SLC39A11: variants seen among roughly 807,000 people sequenced by gnomAD.
SLC39A11 encodes zinc transporter ZIP11.
In SLC39A11, 33 loss-of-function variants were observed where a neutral mutation model predicts 36.1. The ratio of observed to expected loss-of-function variants is 0.91; its 90% CI spans 0.69 to 1.22. The LOEUF (loss-of-function observed/expected upper bound fraction) is 1.22, where lower values mean the gene tolerates loss of function less well. SLC39A11 is among the 50% of genes most tolerant of loss of function. The pLI is 0.00. For missense variants in SLC39A11, 432 were observed against 430.3 expected (o/e 1.00, Z -0.03); for synonymous variants, 166 against 170.3 (o/e 0.97, Z 0.20).
At chr17:73,051,878 T>C (rs574352139) in intron 3 of SLC39A11, among the ~76,000 whole-genome samples, 1 of 148,140 alleles carries the variant, frequency 6.8e-6, no homozygotes, top group Non-Finnish European at 1.5e-5. Context: ...AGCAAAAAGT[T>C]TGTTGGTGCC....
chr17:72,838,624 A>G (rs2078673802), intron 6 of SLC39A11, among the ~76,000 whole-genome samples: 1 of 152,178 alleles, frequency 6.6e-6, no homozygotes, highest in African/African-American at 2.4e-5. Flanking sequence ...CTCAGTGTGG[A>G]AGTGTAATTG....
intron 5 of SLC39A11, among the ~76,000 whole-genome samples, chr17:72,874,106 G>A (rs940863277): frequency 2.0e-5 from 3 of 152,092 alleles, no homozygotes; most frequent in Non-Finnish European, 2.9e-5. Context: ...TAATATCAGC[G>A]TGAGAACCGA....
intron 5 of SLC39A11, among the ~76,000 whole-genome samples, chr17:72,933,342 AGGTATAAATCTAACC>A (rs1567977298): frequency 6.6e-6 from 1 of 152,234 alleles, no homozygotes; most frequent in African/African-American, 2.4e-5. Context: ...AAACACTTAG[AGGTATAAATCTAACC>A]AACGGTAGAG....
At chr17:72,740,657 A>G (rs1354784036) in intron 6 of SLC39A11, among the ~76,000 whole-genome samples, 1 of 152,250 alleles carries the variant, frequency 6.6e-6, no homozygotes, top group African/African-American at 2.4e-5. Context: ...TGCACTAAAC[A>G]TGACGAAAAC....
intron 6 of SLC39A11, among the ~76,000 whole-genome samples, chr17:72,778,245 C>T (rs1368008874): frequency 6.6e-6 from 1 of 152,146 alleles, no homozygotes; most frequent in Non-Finnish European, 1.5e-5. Flanking sequence ...GTATTAGAAC[C>T]ATCATTTCAC....
intron 6 of SLC39A11, among the ~76,000 whole-genome samples, chr17:72,792,314 T>A (rs1462223801): frequency 1.3e-5 from 2 of 152,186 alleles, no homozygotes; most frequent in African/African-American, 4.8e-5. Flanking sequence ...AGGATGTGGC[T>A]GGCTTGTTTG....
chr17:72,780,640 C>T (rs2076284342), intron 6 of SLC39A11, among the ~76,000 whole-genome samples: 1 of 152,068 alleles, frequency 6.6e-6, no homozygotes, highest in East Asian at 1.9e-4. Flanking sequence ...TGCTCTTTCG[C>T]TTTGCTCTCC....
intron 4 of SLC39A11, among the ~76,000 whole-genome samples, chr17:73,013,177 C>T (rs549952952): frequency 3.3e-5 from 5 of 152,154 alleles, no homozygotes; most frequent in Non-Finnish European, 5.9e-5. Flanking sequence ...CTGCAATTTC[C>T]ACCTCCTGGG....
intron 5 of SLC39A11, among the ~76,000 whole-genome samples, chr17:72,930,515 A>G (rs1413722080): frequency 6.6e-6 from 1 of 152,190 alleles, no homozygotes; most frequent in Non-Finnish European, 1.5e-5. Flanking sequence ...GTACTGGAAC[A>G]TAAGGTTCTG....
intron 4 of SLC39A11, among the ~76,000 whole-genome samples, chr17:72,980,860 C>T (rs1229406522): frequency 6.6e-6 from 1 of 151,922 alleles, no homozygotes; most frequent in Non-Finnish European, 1.5e-5. Context: ...CCCGTCTCTA[C>T]TAAAAATACA....
intron 3 of SLC39A11, among the ~76,000 whole-genome samples, chr17:73,044,310 G>A (rs529816505): frequency 2.0e-4 from 30 of 152,244 alleles, no homozygotes; most frequent in African/African-American, 6.7e-4. Flanking sequence ...CCATCAACAG[G>A]AGAATGAATA....
intron 4 of SLC39A11, among the ~76,000 whole-genome samples, chr17:72,978,497 G>A (rs1353698835): frequency 6.6e-6 from 1 of 152,210 alleles, no homozygotes; most frequent in Non-Finnish European, 1.5e-5. Context: ...GGGGGTCAGG[G>A]AGGAGCTTGG....
intron 7 of SLC39A11, among the ~76,000 whole-genome samples, chr17:72,715,899 G>A (rs536604168): frequency 2.0e-5 from 3 of 152,172 alleles, no homozygotes; most frequent in Admixed American, 1.3e-4. Context: ...GTTTCACCAT[G>A]TTGGCCAGGC....
chr17:73,068,391 A>G, intron 3 of SLC39A11: 1 of 458,284 alleles, frequency 2.2e-6, no homozygotes, highest in South Asian at 4.3e-5. Flanking sequence ...GGATCACCAA[A>G]AGCAGAGAAG....
intron 6 of SLC39A11, among the ~76,000 whole-genome samples, chr17:72,769,783 T>C (rs1425414919): frequency 1.3e-5 from 2 of 152,162 alleles, no homozygotes; most frequent in South Asian, 4.1e-4. Flanking sequence ...GACCTTGTGA[T>C]CTGCCTGCCT....
chr17:72,875,161 G>C (rs564286200), intron 5 of SLC39A11, among the ~76,000 whole-genome samples: 1 of 152,278 alleles, frequency 6.6e-6, no homozygotes, highest in East Asian at 1.9e-4. Flanking sequence ...TCAAAGGGGA[G>C]GAAGTCACAA....
At chr17:72,838,236 T>C in intron 6 of SLC39A11, 1 of 367,372 alleles carries the variant, frequency 2.7e-6, no homozygotes, top group Non-Finnish European at 4.8e-6. Context: ...CTTTTCTTTT[T>C]TTTTTTTTTT....
At chr17:73,067,809 C>A in intron 3 of SLC39A11, 1 of 1,450,316 alleles carries the variant, frequency 6.9e-7, no homozygotes, top group South Asian at 1.2e-5. Context: ...CACAACTTTT[C>A]AGAGCTGTCT....
chr17:72,739,830 T>C (rs979069463), intron 6 of SLC39A11, among the ~76,000 whole-genome samples: 29 of 152,110 alleles, frequency 1.9e-4, no homozygotes, highest in Admixed American at 1.9e-3. Flanking sequence ...AATGCAGGGA[T>C]TAGGGGCGCC....
Sources: allele counts gnomAD v4.1 joint callset (sites outside exome capture counted in the v4.1 genomes callset), GRCh38; gene constraint gnomAD v4.1.1; transcripts MANE v1.5; gene names NCBI Gene and HGNC (gene_info 2026-07-23, HGNC 2026-07-21).